The following SYNM variants were observed in gnomAD, a reference collection of about 807,000 sequenced individuals.
The protein encoded by SYNM is synemin.
A neutral mutation model predicts 104.0 loss-of-function variants in SYNM; 95 were observed. The ratio of observed to expected loss-of-function variants is 0.91; its 90% CI spans 0.77 to 1.08. The LOEUF (loss-of-function observed/expected upper bound fraction) is 1.08, where lower values mean the gene tolerates loss of function less well. SYNM is among the 50% of genes least tolerant of loss of function. The pLI is 0.00. For synonymous variants in SYNM, 918 were observed against 869.0 expected, an observed-to-expected ratio of 1.06 and a Z score of -0.99; for missense variants, 2,150 against 2,052.2, an observed-to-expected ratio of 1.05 and a Z score of -0.92.
chr15:99,106,586 G>C (rs1262428528), intron 1 of SYNM, among the ~76,000 whole-genome samples: 3 of 152,256 alleles, frequency 2.0e-5, no homozygotes, highest in Non-Finnish European at 4.4e-5. Context: ...AACAGAGCTT[G>C]ATCGAAGATG....
intron 2 of SYNM, among the ~76,000 whole-genome samples, chr15:99,114,548 T>C (rs782223340): frequency 6.6e-6 from 1 of 152,042 alleles, no homozygotes; most frequent in African/African-American, 2.4e-5. Flanking sequence ...CTGTGTGGGT[T>C]TGGCCCTGAA....
At chr15:99,106,744 G>T (rs2067248623) in intron 1 of SYNM, among the ~76,000 whole-genome samples, 2 of 151,886 alleles carry the variant, frequency 1.3e-5, no homozygotes, top group Admixed American at 1.3e-4. Context: ...CACCGGCGGG[G>T]TGACACCTGT....
At position 99,126,809 on chromosome 15, in the gene SYNM, G is replaced by A. The variant is rs1445678838; in HGVS notation, c.1006+17G>A. On this transcript the variant is annotated intron_variant, in intron 3 of 3. Transcript: ENST00000336292. ...TGCCGTCAGGTAAGTAAAAGCTAAT[G>A]ACTTGACTTAGCTTTAGGCATCTGA... The A allele has an allele frequency of 1.3e-6, 2 of 1,556,034 alleles. No homozygotes were observed. Among genetic ancestry groups the A allele is most frequent in the Non-Finnish European group, 1.7e-6 (2 of 1,149,044 alleles).
chr15:99,116,523 C>G (rs1212615583), intron 2 of SYNM, among the ~76,000 whole-genome samples: 1 of 143,684 alleles, frequency 7.0e-6, no homozygotes, highest in African/African-American at 2.5e-5. Context: ...TTTTGGCCCA[C>G]AGTTGTGCAG....
intron 2 of SYNM, 140 bp downstream of exon 2, chr15:99,113,855 A>G: frequency 3.0e-6 from 4 of 1,325,558 alleles, no homozygotes; most frequent in Non-Finnish European, 4.1e-6. Flanking sequence ...TGGCATGGCC[A>G]GGCAAGGAGT....
At chr15:99,114,766 T>A (rs1352016864) in intron 2 of SYNM, among the ~76,000 whole-genome samples, 4 of 115,234 alleles carry the variant, frequency 3.5e-5, no homozygotes, top group Non-Finnish European at 5.9e-5. Flanking sequence ...GCTCCTCCCC[T>A]CCTTGGCATC....
rs782772728 is a variant in SYNM, at chr15:99,129,425, G to A, written c.1065G>A (p.Arg355=). 2 of 1,613,980 alleles carry A rather than the reference G, an allele frequency of 1.2e-6. No individual in the cohort carries two copies. Among genetic ancestry groups the A allele is most frequent in the Non-Finnish European group, 1.7e-6 (2 of 1,179,884 alleles). ...TDSLLQRENE[R]NLFSRQKAPL... is the part of the protein sequence containing the mutation. ...CACTACTACAGAGGGAAAATGAAAG[G>A]AATCTATTTTCAAGGCAGAAAGCAC... The change falls in exon 4 of 4, where the codon AGG becomes AGA. Residue 355 remains arginine (R), a synonymous_variant. Transcript: ENST00000336292.
At chr15:99,137,444 C>T (rs2067680464), downstream of SYNM, 1 of 152,438 alleles carries the variant, frequency 6.6e-6, no homozygotes, top group Non-Finnish European at 1.5e-5. Flanking sequence ...TGTCGGCCTC[C>T]TGCCCCTCCT....
At chr15:99,120,081 A>G (rs1216339351) in intron 2 of SYNM, among the ~76,000 whole-genome samples, 7 of 152,154 alleles carry the variant, frequency 4.6e-5, no homozygotes, top group African/African-American at 1.4e-4. Context: ...TTTCCATGTG[A>G]TGACACCCAC....
intron 2 of SYNM, among the ~76,000 whole-genome samples, chr15:99,126,105 T>C (rs2067444585): frequency 6.6e-6 from 1 of 152,204 alleles, no homozygotes. Flanking sequence ...GGGGAGGGGC[T>C]ACTGACGGGG....
In SYNM at chr15:99,105,718, C is replaced by T. The variant is rs1198001816; in HGVS notation, c.519C>T (p.Pro173=). The T allele has an allele frequency of 2.7e-6, 4 of 1,498,282 alleles. No homozygotes were observed. The African/African-American group carries it at 4.4e-5, about 16-fold the overall frequency. The allele number at this position is 1,498,282 out of a possible 1,614,324, so 92.8% of individuals were successfully genotyped here. A position where few individuals can be genotyped will look rare whatever the true frequency, so the allele number is the denominator to read the frequency against. Reference sequence around the variant, plus strand: ...ATTTCCGCGCCCGCGCCACCGGCCCCGCCGCGCCGCCGCCACGCCTGCGGG... The same window carrying T: ...ATTTCCGCGCCCGCGCCACCGGCCCTGCCGCGCCGCCGCCACGCCTGCGGG... ...TMHFRARATG[P]AAPPPRLREV... is the part of the protein sequence containing the mutation. The change falls in exon 1 of 4, where the codon CCC becomes CCT. Residue 173 remains proline (P), a synonymous_variant. Coordinates refer to ENST00000336292, the MANE Select transcript of SYNM (RefSeq NM_145728.3).
In SYNM at chr15:99,131,648, G is replaced by C; in HGVS notation, c.3288G>C (p.Gln1096His). The change falls in exon 4 of 4, where the codon CAG becomes CAC. Residue 1096 changes from glutamine to histidine, a missense_variant. Physicochemically the swap from Gln to His is conservative, Grantham distance 24. Coordinates refer to ENST00000336292, the MANE Select transcript of SYNM (RefSeq NM_145728.3). The surrounding 1 kb of genome is among the most constrained non-coding windows in gnomAD (Gnocchi z 4.3). ...ASHSSGQRTP[Q>H]GPVSATVEVS... Reference sequence around the variant, plus strand: ...ACAGCTCGGGACAGCGCACTCCCCAGGGCCCAGTGTCGGCCACTGTGGAGG... The same window carrying C: ...ACAGCTCGGGACAGCGCACTCCCCACGGCCCAGTGTCGGCCACTGTGGAGG... 6.2e-7 allele frequency: 1 copy of C among 1,611,610 alleles called. No homozygotes were observed. The highest frequency in any genetic ancestry group is 1.1e-5 in the South Asian group (1 of 90,928).
downstream of SYNM, chr15:99,140,191 G>A (rs1371023132): frequency 6.4e-6 from 1 of 157,380 alleles, no homozygotes; most frequent in Non-Finnish European, 1.4e-5. Context: ...ATGGCCTTGC[G>A]GGATTGGTGA....
chr15:99,126,079 C>T (rs1162289464), intron 2 of SYNM, among the ~76,000 whole-genome samples: 1 of 152,178 alleles, frequency 6.6e-6, no homozygotes, highest in Non-Finnish European at 1.5e-5. Context: ...TGAAGTGAGG[C>T]CCCTGGGGGT....
chr15:99,114,803 C>T (rs1259601289), intron 2 of SYNM, among the ~76,000 whole-genome samples: 4 of 151,856 alleles, frequency 2.6e-5, no homozygotes, highest in Non-Finnish European at 4.4e-5. Context: ...GGTGCCAGTG[C>T]GTCTTTGATT....
In SYNM at chr15:99,116,772, A is replaced by G. The variant is rs1473934670; in HGVS notation, c.935+3057A>G. On this transcript the variant is annotated intron_variant, in intron 2 of 3. Transcript: ENST00000336292. ...AACCTCTACCTCACGGGTTCAAGCA[A>G]TTCTCCTGATTCTCCTGCCTCAGCC... Among the ~76,000 whole-genome samples the G allele has an allele frequency of 4.2e-5, 6 of 143,172 alleles. 1 individual carries two copies. Among genetic ancestry groups the G allele is most frequent in the African/African-American group, 1.5e-4 (6 of 40,180 alleles). The allele number at this position is 143,172 out of a possible 152,430, so 93.9% of individuals were successfully genotyped here. A position where few individuals can be genotyped will look rare whatever the true frequency, so the allele number is the denominator to read the frequency against.
intron 1 of SYNM, among the ~76,000 whole-genome samples, chr15:99,110,844 G>A (rs1431862367): frequency 3.9e-5 from 6 of 152,196 alleles, no homozygotes; most frequent in African/African-American, 1.4e-4. Context: ...GTGAGATGTA[G>A]CGTCCCGTGT....
chr15:99,113,649 G>C lies in SYNM; in HGVS notation c.869G>C (p.Trp290Ser), dbSNP rs189403249. ...ACCCTCACCTTGGCCATGGCTGACT[G>C]GCTGCGGGACTATCAGGACCTCCTG... ...KATLTLAMAD[W>S]LRDYQDLLQV... The change falls in exon 2 of 4, where the codon TGG (tryptophan) becomes TCG (serine). Residue 290 changes from tryptophan to serine, a missense_variant. By Grantham distance (177) the Trp-to-Ser change is radical. Coordinates refer to ENST00000336292, the MANE Select transcript of SYNM (RefSeq NM_145728.3). 6.2e-6 allele frequency: 10 copies of C among 1,613,604 alleles called. No homozygotes were observed. The highest frequency in any genetic ancestry group is 3.3e-4 in the Middle Eastern group (2 of 6,060).
rs367716061 is a variant in SYNM at position 99,129,517 on chromosome 15, C to T, written c.1157C>T (p.Thr386Met). 1.5e-5 allele frequency: 25 copies of T among 1,613,882 alleles called. No individual in the cohort carries two copies. The highest frequency in any genetic ancestry group is 3.3e-5 in the South Asian group (3 of 91,080). ...SNLSGHRGSQ[T>M]GTSIGGDARR... ...CTGTCAGGGCACCGTGGATCTCAGA[C>T]GGGCACATCTATTGGAGGTGATGCC... is the stretch of plus-strand genomic sequence containing the variant. Residue 386 changes from threonine to methionine, a missense_variant, in exon 4 of 4, where the codon ACG (threonine) becomes ATG (methionine). Coordinates refer to ENST00000336292, the MANE Select transcript of SYNM (RefSeq NM_145728.3).
Sources: gnomAD v4.1 joint callset for allele counts (sites outside exome capture counted in the v4.1 genomes callset) on GRCh38, gnomAD v4.1.1 for gene constraint, Gnocchi (gnomAD v3.1) non-coding constraint, MANE v1.5 for transcripts, NCBI Gene and HGNC (gene_info 2026-07-23, HGNC 2026-07-21) for gene names.